ZNF569: variants seen among roughly 807,000 people sequenced by gnomAD.
The protein encoded by ZNF569 is zinc finger protein 569.
Under a neutral mutation model 56.3 loss-of-function variants are expected in ZNF569, and 38 were observed. The observed-to-expected ratio is 0.68, with a 90% CI of 0.52 to 0.88. The LOEUF (loss-of-function observed/expected upper bound fraction) is 0.88. Ranked by LOEUF, ZNF569 falls within the 40% of genes least tolerant of loss-of-function variation. The probability of loss-of-function intolerance (pLI) is 0.00; values close to 1 mark genes in which losing one functional copy is unlikely to be tolerated. For synonymous variants in ZNF569, 241 were observed against 262.9 expected (o/e 0.92, Z 0.81); for missense variants, 666 against 809.2 (o/e 0.82, Z 2.15).
intron 2 of ZNF569, among the ~76,000 whole-genome samples, chr19:37,460,803 T>C (rs2041746309): frequency 6.7e-6 from 1 of 149,444 alleles, no homozygotes; most frequent in Non-Finnish European, 1.5e-5. Context: ...ACTGGTGGCC[T>C]ATCCTTCCCT....
intron 5 of ZNF569, among the ~76,000 whole-genome samples, chr19:37,420,416 C>T (rs2041015421): frequency 1.3e-5 from 2 of 152,134 alleles, no homozygotes; most frequent in Admixed American, 1.3e-4. Flanking sequence ...ACTGTAGTCA[C>T]TCCTCTCAAA....
chr19:37,431,161 G>A (rs2041219415), intron 3 of ZNF569, among the ~76,000 whole-genome samples: 1 of 152,128 alleles, frequency 6.6e-6, no homozygotes, highest in South Asian at 2.1e-4. Context: ...GTGCTGTGCT[G>A]GGCTTGGAGC....
intron 3 of ZNF569, among the ~76,000 whole-genome samples, chr19:37,434,624 G>A (rs1408290082): frequency 2.6e-5 from 4 of 152,198 alleles, no homozygotes; most frequent in Non-Finnish European, 4.4e-5. Flanking sequence ...ATCATATCCC[G>A]TGACCTGCAT....
chr19:37,461,020 G>GGA (rs2041749240), intron 2 of ZNF569, among the ~76,000 whole-genome samples: 1 of 152,252 alleles, frequency 6.6e-6, no homozygotes, highest in South Asian at 2.1e-4. Context: ...CAACCCACTA[G>GGA]GAGATGCCAG....
chr19:37,451,299 C>T (rs2041587895), intron 2 of ZNF569, among the ~76,000 whole-genome samples: 1 of 150,820 alleles, frequency 6.6e-6, no homozygotes, highest in Non-Finnish European at 1.5e-5. Context: ...ACTCGGGAGG[C>T]TGAGGCAGGA....
chr19:37,432,583 G>A (rs1217305526), intron 3 of ZNF569, among the ~76,000 whole-genome samples: 1 of 152,164 alleles, frequency 6.6e-6, no homozygotes, highest in African/African-American at 2.4e-5. Flanking sequence ...AGACTGCTAA[G>A]ACTGCAATAA....
chr19:37,464,909 C>A (rs746376488), intron 2 of ZNF569, among the ~76,000 whole-genome samples: 1 of 152,158 alleles, frequency 6.6e-6, no homozygotes, highest in South Asian at 2.1e-4. Flanking sequence ...TGCTCAAAAA[C>A]CCTCCAGCAG....
upstream of ZNF569, among the ~76,000 whole-genome samples, chr19:37,468,338 C>G (rs1337447930): frequency 6.6e-6 from 1 of 152,084 alleles, no homozygotes; most frequent in African/African-American, 2.4e-5. Flanking sequence ...ATCCTCCCGC[C>G]TGGGCCTCAA....
At chr19:37,457,316 C>T (rs2146968299) in intron 2 of ZNF569, among the ~76,000 whole-genome samples, 1 of 152,220 alleles carries the variant, frequency 6.6e-6, no homozygotes, top group South Asian at 2.1e-4. Context: ...GAATTCTATA[C>T]TTATAAAATG....
intron 2 of ZNF569, among the ~76,000 whole-genome samples, chr19:37,457,687 TG>T (rs2041695337): frequency 5.6e-5 from 2 of 35,936 alleles, no homozygotes; most frequent in Admixed American, 3.5e-4. Context: ...GGGCCTGTCA[TG>T]GGGTTGGGGG....
chr19:37,442,925 G>T (rs1178349865), intron 3 of ZNF569, among the ~76,000 whole-genome samples: 1 of 152,232 alleles, frequency 6.6e-6, no homozygotes. Flanking sequence ...TATAGAAAAG[G>T]TATCCTAGAG....
At chr19:37,464,874 T>C (rs1488048365) in intron 2 of ZNF569, among the ~76,000 whole-genome samples, 1 of 152,224 alleles carries the variant, frequency 6.6e-6, no homozygotes. Context: ...TCTTCTTAAA[T>C]TGTAAGCAGA....
rs34061624 is a variant in ZNF569 at position 37,415,714 on chromosome 19, C to CA, written c.239-1296dup. ...TGAAACCCCATCTCTACTAAAAATA[C>CA]AAAAAAAAAAAAAAAATTAGCTGGG... On this transcript the variant is annotated intron_variant, in intron 5 of 5. Transcript: ENST00000316950. Among the ~76,000 whole-genome samples the CA allele has an allele frequency of 3.7e-3, 469 of 125,940 alleles. 1 individual carries two copies. The highest frequency in any genetic ancestry group is 9.1e-3 in the East Asian group (40 of 4,390). The allele number at this position is 125,940 out of a possible 152,430, so 82.6% of individuals were successfully genotyped here. A position where few individuals can be genotyped will look rare whatever the true frequency, so the allele number is the denominator to read the frequency against.
At chr19:37,448,509 T>C (rs182965090) in intron 2 of ZNF569, among the ~76,000 whole-genome samples, 104 of 152,044 alleles carry the variant, frequency 6.8e-4, no homozygotes, top group African/African-American at 2.3e-3. Flanking sequence ...TTCACTGATT[T>C]TTCTCCATTA....
intron 5 of ZNF569, among the ~76,000 whole-genome samples, chr19:37,423,137 A>G (rs2041065519): frequency 6.6e-6 from 1 of 152,224 alleles, no homozygotes; most frequent in African/African-American, 2.4e-5. Context: ...GAAAATTTGA[A>G]GACTAGAATT....
intron 3 of ZNF569, among the ~76,000 whole-genome samples, chr19:37,441,928 C>T (rs377292590): frequency 9.9e-4 from 151 of 152,312 alleles, no homozygotes; most frequent in African/African-American, 3.3e-3. Context: ...TCAAACACCA[C>T]TTTAACAGAG....
chr19:37,435,209 T>G (rs905912479), intron 3 of ZNF569, among the ~76,000 whole-genome samples: 2 of 152,202 alleles, frequency 1.3e-5, no homozygotes, highest in Admixed American at 6.5e-5. Flanking sequence ...GAGTACTAAC[T>G]TTCTCTTGGC....
chr19:37,420,503 C>T (rs2041016859), intron 5 of ZNF569, among the ~76,000 whole-genome samples: 1 of 152,148 alleles, frequency 6.6e-6, no homozygotes, highest in Non-Finnish European at 1.5e-5. Context: ...AGCATCTTCA[C>T]CAGGAGTAGA....
At chr19:37,423,004 T>C (rs975667661) in intron 5 of ZNF569, among the ~76,000 whole-genome samples, 2 of 152,140 alleles carry the variant, frequency 1.3e-5, no homozygotes, top group East Asian at 1.9e-4. Flanking sequence ...TACCAAAACA[T>C]TTGAAAATAC....
Sources: gnomAD v4.1 joint callset for allele counts (sites outside exome capture counted in the v4.1 genomes callset) on GRCh38, gnomAD v4.1.1 for gene constraint, MANE v1.5 for transcripts, NCBI Gene and HGNC (gene_info 2026-07-23, HGNC 2026-07-21) for gene names.